The following ARHGEF11 variants were observed in gnomAD, a reference collection of about 807,000 sequenced individuals.
ARHGEF11 encodes Rho guanine nucleotide exchange factor 11, also known as Rho guanine exchange factor (GEF) 11.
A neutral mutation model predicts 193.7 loss-of-function variants in ARHGEF11; 55 were observed. The ratio of observed to expected loss-of-function variants is 0.28; its 90% CI spans 0.23 to 0.36. The LOEUF is 0.36. Ranked by LOEUF, ARHGEF11 falls within the 10% of genes least tolerant of loss-of-function variation. The pLI, the probability that ARHGEF11 is intolerant of heterozygous loss-of-function variation, is 1.00. For missense variants in ARHGEF11, 1,723 were observed against 2,005.6 expected (o/e 0.86, Z 2.69); for synonymous variants, 693 against 768.0 (o/e 0.90, Z 1.62).
chr1:156,966,261 C>T (rs1661656765), intron 11 of ARHGEF11, among the ~76,000 whole-genome samples: 1 of 152,202 alleles, frequency 6.6e-6, no homozygotes, highest in African/African-American at 2.4e-5. Flanking sequence ...CAGTGATTAA[C>T]AGGCTCCCAG....
chr1:156,958,900 A>G (rs761304840), intron 16 of ARHGEF11, 36 bp from the exon 17 acceptor site: 3 of 1,613,812 alleles, frequency 1.9e-6, no homozygotes, highest in Non-Finnish European at 2.5e-6. Flanking sequence ...AAAGAAATAT[A>G]CACAAATACT....
intron 1 of ARHGEF11, among the ~76,000 whole-genome samples, chr1:157,032,175 T>C (rs548655960): frequency 1.3e-5 from 2 of 152,260 alleles, no homozygotes; most frequent in South Asian, 4.1e-4. Context: ...ATGTCAGAGG[T>C]AGACAGAAAT....
At chr1:156,955,565 G>A in intron 20 of ARHGEF11, 138 bp downstream of exon 20, 1 of 710,556 alleles carries the variant, frequency 1.4e-6, no homozygotes, top group Non-Finnish European at 2.5e-6. Flanking sequence ...TTGGCAAGGG[G>A]AGAAAGTGGC....
chr1:157,005,182 C>T (rs915756697), intron 1 of ARHGEF11, among the ~76,000 whole-genome samples: 12 of 152,170 alleles, frequency 7.9e-5, no homozygotes, highest in African/African-American at 2.4e-4. Flanking sequence ...TGTTACTGCC[C>T]GTTGCTTGGG....
intron 1 of ARHGEF11, among the ~76,000 whole-genome samples, chr1:157,001,027 C>T (rs921554601): frequency 9.9e-5 from 15 of 152,156 alleles, no homozygotes; most frequent in African/African-American, 2.4e-4. Flanking sequence ...AAAACCTGTG[C>T]GGAAGCTCCC....
At chr1:156,941,826 T>C (rs1331739000) in intron 34 of ARHGEF11, 38 bp downstream of exon 34, 9 of 1,564,744 alleles carry the variant, frequency 5.8e-6, no homozygotes, top group Non-Finnish European at 7.8e-6. Flanking sequence ...AGGTTTGGAG[T>C]GGAGAGAGTG....
At chr1:157,018,712 C>G (rs140837159) in intron 1 of ARHGEF11, among the ~76,000 whole-genome samples, 1,960 of 150,166 alleles carry the variant, frequency 0.013, 38 homozygotes, top group African/African-American at 0.045. Context: ...AACAGAAGAA[C>G]AACATTGGAA....
At chr1:157,018,234 G>A (rs1210765963) in intron 1 of ARHGEF11, among the ~76,000 whole-genome samples, 1 of 152,182 alleles carries the variant, frequency 6.6e-6, no homozygotes. Flanking sequence ...CAAACTGAAT[G>A]TTGTTAAAAT....
At chr1:156,992,056 G>A (rs1665813547) in intron 1 of ARHGEF11, among the ~76,000 whole-genome samples, 1 of 152,116 alleles carries the variant, frequency 6.6e-6, no homozygotes, top group Non-Finnish European at 1.5e-5. Context: ...CATTTACATG[G>A]TTGAAAAATC....
At chr1:156,976,294 C>T (rs140335548) in intron 7 of ARHGEF11, among the ~76,000 whole-genome samples, 26 of 152,246 alleles carry the variant, frequency 1.7e-4, no homozygotes, top group Admixed American at 3.9e-4. Context: ...GAAATACTAT[C>T]CTCTCTGTGA....
chr1:157,021,593 T>C (rs1669990245), intron 1 of ARHGEF11, among the ~76,000 whole-genome samples: 1 of 152,152 alleles, frequency 6.6e-6, no homozygotes, highest in African/African-American at 2.4e-5. Flanking sequence ...ATAAATGGAA[T>C]CAACTGTGGG....
At chr1:157,021,713 A>T (rs2102910479) in intron 1 of ARHGEF11, among the ~76,000 whole-genome samples, 1 of 152,370 alleles carries the variant, frequency 6.6e-6, no homozygotes, top group Non-Finnish European at 1.5e-5. Flanking sequence ...ACAGGCAAAC[A>T]ACTTATGCCT....
chr1:156,968,202 T>G, intron 10 of ARHGEF11, 78 bp from the exon 11 acceptor site: 2 of 1,502,582 alleles, frequency 1.3e-6, no homozygotes, highest in South Asian at 2.6e-5. Context: ...GTGTTGGTGG[T>G]GATAACCATA....
At chr1:157,012,580 T>A (rs890307537) in intron 1 of ARHGEF11, among the ~76,000 whole-genome samples, 2 of 152,212 alleles carry the variant, frequency 1.3e-5, no homozygotes, top group Admixed American at 1.3e-4. Context: ...AAAACGTCCT[T>A]CCTAGTACTC....
At chr1:156,967,791 C>G in intron 11 of ARHGEF11, 196 bp downstream of exon 11, 1 of 688,656 alleles carries the variant, frequency 1.5e-6, no homozygotes. Flanking sequence ...TGGAGCCAGC[C>G]TTACTTTCAT....
At chr1:157,031,766 G>T (rs1671339169) in intron 1 of ARHGEF11, among the ~76,000 whole-genome samples, 1 of 152,168 alleles carries the variant, frequency 6.6e-6, no homozygotes, top group African/African-American at 2.4e-5. Flanking sequence ...CCCACCCCTT[G>T]AGCAGAGAAG....
chr1:157,003,534 T>C (rs188704314), intron 1 of ARHGEF11, among the ~76,000 whole-genome samples: 28 of 152,312 alleles, frequency 1.8e-4, no homozygotes, highest in Admixed American at 1.8e-3. Context: ...AGAACAACTA[T>C]GAAAATATGT....
At chr1:156,942,437 AG>A (rs1657209783) in intron 33 of ARHGEF11, among the ~76,000 whole-genome samples, 1 of 152,212 alleles carries the variant, frequency 6.6e-6, no homozygotes, top group Non-Finnish European at 1.5e-5. Context: ...TAGGGCAGGA[AG>A]GAAAGAAGCA....
At chr1:157,025,572 T>C (rs1453070382) in intron 1 of ARHGEF11, among the ~76,000 whole-genome samples, 1 of 152,208 alleles carries the variant, frequency 6.6e-6, no homozygotes, top group African/African-American at 2.4e-5. Flanking sequence ...CTTTCTGCCC[T>C]AGCCAATTTA....
Sources: allele counts gnomAD v4.1 joint callset (sites outside exome capture counted in the v4.1 genomes callset), GRCh38; gene constraint gnomAD v4.1.1; transcripts MANE v1.5; gene names NCBI Gene and HGNC (gene_info 2026-07-23, HGNC 2026-07-21).